The following SBK2 variants were observed in gnomAD, a reference collection of about 807,000 sequenced individuals.
SBK2 encodes SH3 domain binding kinase family member 2, also known as serine/threonine-protein kinase SBK2.
A neutral mutation model predicts 15.9 loss-of-function variants in SBK2; 18 were observed. The observed-to-expected ratio is 1.13, with a 90% confidence interval of 0.78 to 1.68. SBK2 has a LOEUF of 1.68. Among genes scored for constraint, SBK2 ranks in the 40% most tolerant of loss-of-function variants. The probability of loss-of-function intolerance (pLI) is 0.00; values close to 1 mark genes in which losing one functional copy is unlikely to be tolerated. For synonymous variants in SBK2, 284 were observed against 246.8 expected (o/e 1.15, Z -1.41); for missense variants, 581 against 510.9 (o/e 1.14, Z -1.32).
At chr19:55,530,567 GTTTAGTGTGGCTTAGT>G (rs1599941295) in intron 3 of SBK2, among the ~76,000 whole-genome samples, 3 of 23,624 alleles carry the variant, frequency 1.3e-4, no homozygotes, top group East Asian at 1.3e-3. Flanking sequence ...AGGCCTGTGG[GTTTAGTGTGGCTTAGT>G]GTGACCCGTG....
chr19:55,534,715 A>AAG (rs992176409), intron 2 of SBK2, among the ~76,000 whole-genome samples: 4 of 147,790 alleles, frequency 2.7e-5, no homozygotes, highest in Non-Finnish European at 6.0e-5. Flanking sequence ...AAAAAAAAAA[A>AAG]AAAAAGAAAA....
chr19:55,531,625 G>A (rs1185043081), intron 2 of SBK2, among the ~76,000 whole-genome samples: 1 of 152,182 alleles, frequency 6.6e-6, no homozygotes, highest in Non-Finnish European at 1.5e-5. Flanking sequence ...GGGAGGATCC[G>A]TTGAGGCCAG....
chr19:55,532,862 G>T (rs946959363), intron 2 of SBK2, among the ~76,000 whole-genome samples: 1 of 151,774 alleles, frequency 6.6e-6, no homozygotes, highest in African/African-American at 2.4e-5. Flanking sequence ...TCGCTATGTT[G>T]CCCAGGCTGG....
At chr19:55,537,030 T>C (rs12979821) in intron 1 of SBK2, 24 bp downstream of exon 1, 79,593 of 152,946 alleles carry the variant, frequency 0.52, 24,523 homozygotes, top group South Asian at 0.74. Context: ...CCTCCCAACC[T>C]GGGCTCAGAC....
Position 55,530,174 on chromosome 19 carries a change from G to C in SBK2, c.606C>G (p.Thr202=), listed in dbSNP as rs1988216287. 6.5e-7 allele frequency: 1 copy of C among 1,528,326 alleles called. No homozygotes were observed. The highest frequency in any genetic ancestry group is 8.8e-7 in the Non-Finnish European group (1 of 1,138,426). The allele number at this position is 1,528,326 out of a possible 1,614,324, so 94.7% of individuals were successfully genotyped here. The change falls in exon 4 of 4, where the codon ACC becomes ACG. Residue 202 remains threonine (T), a synonymous_variant. Transcript: ENST00000413299. ...CDPACRRFKL[T]DFGHTRPRGT... is the part of the protein sequence containing the mutation. The stretch of plus-strand genomic sequence containing the variant: ...CGCGAGGCCTCGTGTGGCCGAAGTC[G>C]GTCAGCTTGAAGCGCCGGCAGGCCG...
chr19:55,531,308 G>T lies in SBK2; in HGVS notation c.291C>A (p.Arg97=). 1 of 1,612,218 alleles carries T rather than the reference G, an allele frequency of 6.2e-7. No homozygotes were observed. Among genetic ancestry groups the T allele is most frequent in the African/African-American group, 1.3e-5 (1 of 75,024 alleles). The change falls in exon 3 of 4, where the codon CGC becomes CGA. Residue 97 remains arginine, a synonymous_variant. Transcript: ENST00000413299. ...PLALKQLPKP[R]TSLRGFLYEF... ...CGTACAGGAAGCCACGGAGGGACGT[G>T]CGGGGTTTCGGGAGCTGCTTCAGTG...
intron 2 of SBK2, among the ~76,000 whole-genome samples, chr19:55,535,095 A>G (rs899389653): frequency 6.6e-6 from 1 of 152,062 alleles, no homozygotes; most frequent in African/African-American, 2.4e-5. Context: ...TGGCAGCCCC[A>G]GCAGATGAAT....
rs1332411120 is a variant in SBK2 at position 55,530,214 on chromosome 19, A to G, written c.566T>C (p.Val189Ala). ...LVYRDLKPEN[V>A]LVCDPACRRF... ...CCGGCAGGCCGGGTCGCACACCAGG[A>G]CGTTCTCCGGCTTCAGGTCCCGGTA... is the stretch of plus-strand genomic sequence containing the variant. The change falls in exon 4 of 4, where the codon GTC becomes GCC. Residue 189 changes from valine to alanine, a missense_variant. By Grantham distance (64) the Val-to-Ala change is moderately conservative (BLOSUM62 0). Transcript: ENST00000413299. 3 of 1,535,814 alleles carry G rather than the reference A, an allele frequency of 2.0e-6. No homozygotes were observed. Among genetic ancestry groups the G allele is most frequent in the Non-Finnish European group, 2.6e-6 (3 of 1,141,126 alleles).
rs768175730 is a variant in SBK2, at chr19:55,529,805, C to T, written c.975G>A (p.Leu325=). Residue 325 remains leucine, a synonymous_variant, in exon 4 of 4, where the codon CTG becomes CTA. Coordinates refer to ENST00000413299, the MANE Select transcript of SBK2 (RefSeq NM_001370096.2). ...CCTCCCGCTGCCTCCAGGGGCGCCC[C>T]AGGTGCTCCCTGATGGCGATCACAG... is the stretch of plus-strand genomic sequence containing the variant. ...RSAVIAIREH[L]GRPWRQREGE... is the part of the protein sequence containing the mutation. 10 of 1,604,472 alleles carry T rather than the reference C, an allele frequency of 6.2e-6. No individual in the cohort carries two copies. The highest frequency in any genetic ancestry group is 2.2e-5 in the South Asian group (2 of 91,078).
rs1033124923 is a variant in SBK2 at position 55,529,666 on chromosome 19, C to G, written c.*67G>C. The G allele has an allele frequency of 2.6e-6, 4 of 1,548,930 alleles. No individual in the cohort carries two copies. The highest frequency in any genetic ancestry group is 1.9e-5 in the Admixed American group (1 of 51,872). On this transcript the variant is annotated 3_prime_UTR_variant, in exon 4 of 4. Transcript: ENST00000413299. ...TGGATGAAAACACACCGAGGAGACACCAAAAGCCGTTGGCCTTGGGGGCCT... is the reference window on the plus strand; with the variant it reads ...TGGATGAAAACACACCGAGGAGACAGCAAAAGCCGTTGGCCTTGGGGGCCT...
chr19:55,536,418 G>T, intron 1 of SBK2, 122 bp from the exon 2 acceptor site: 1 of 799,638 alleles, frequency 1.3e-6, no homozygotes, highest in Non-Finnish European at 1.8e-6. Context: ...TTCTCATTGT[G>T]ACTCAGTCTC....
chr19:55,530,264 C>T lies in SBK2; in HGVS notation c.516G>A (p.Glu172=). ...ACACCAGGCCGCGGGCGTGGATGTACTCCAGGGCGGAGGCCAGCTGGGCGG... is the reference window on the plus strand; with the variant it reads ...ACACCAGGCCGCGGGCGTGGATGTATTCCAGGGCGGAGGCCAGCTGGGCGG... ...RCAAQLASAL[E]YIHARGLVYR... is the part of the protein sequence containing the mutation. The change falls in exon 4 of 4, where the codon GAG becomes GAA. Residue 172 remains glutamate, a synonymous_variant. Coordinates refer to ENST00000413299, the MANE Select transcript of SBK2 (RefSeq NM_001370096.2). The T allele has an allele frequency of 1.3e-6, 2 of 1,491,598 alleles. No individual in the cohort carries two copies. The highest frequency in any genetic ancestry group is 1.8e-6 in the Non-Finnish European group (2 of 1,121,208). 92.4% of individuals were successfully genotyped at this position (1,491,598 alleles called of 1,614,324 possible).
chr19:55,532,676 C>T (rs1050039389), intron 2 of SBK2, among the ~76,000 whole-genome samples: 1 of 149,736 alleles, frequency 6.7e-6, no homozygotes, highest in African/African-American at 2.5e-5. Context: ...TCATGGCTCA[C>T]TGCAACCTCC....
intron 2 of SBK2, among the ~76,000 whole-genome samples, chr19:55,533,230 C>T (rs1430897553): frequency 2.0e-5 from 3 of 151,980 alleles, no homozygotes; most frequent in Non-Finnish European, 4.4e-5. Flanking sequence ...ACTCGGAAGG[C>T]TGAGGCAGGA....
rs1427158629 is a variant in SBK2 at position 55,530,317 on chromosome 19, G to T, written c.463C>A (p.Leu155Ile). Reference sequence around the variant, plus strand: ...CAGCGGTGCACCGCGGGCTGCGGGAGGCCCACCTGCGGGGAGAGGGGTCAG... The same window carrying T: ...CAGCGGTGCACCGCGGGCTGCGGGATGCCCACCTGCGGGGAGAGGGGTCAG... ...LMAFIQPKVG[L>I]PQPAVHRCAA... is the part of the protein sequence containing the mutation. The change falls in exon 4 of 4, where the codon CTC becomes ATC. Residue 155 changes from leucine to isoleucine, a missense_variant. By Grantham distance (5) the Leu-to-Ile change is conservative. Transcript: ENST00000413299. 7.1e-7 allele frequency: 1 copy of T among 1,408,110 alleles called. No individual in the cohort carries two copies. The highest frequency in any genetic ancestry group is 2.8e-5 in the East Asian group (1 of 35,990). The allele number at this position is 1,408,110 out of a possible 1,614,324, so 87.2% of individuals were successfully genotyped here. A position where few individuals can be genotyped will look rare whatever the true frequency, so the allele number is the denominator to read the frequency against.
At chr19:55,534,711 A>AAG (rs1268884513) in intron 2 of SBK2, among the ~76,000 whole-genome samples, 59 of 146,624 alleles carry the variant, frequency 4.0e-4, no homozygotes, top group Non-Finnish European at 6.7e-4. Context: ...TCTCAAAAAA[A>AAG]AAAAAAAAAG....
chr19:55,529,607 A>C lies in SBK2; in HGVS notation c.*126T>G, dbSNP rs1452649758. 3 of 1,300,384 alleles carry C rather than the reference A, an allele frequency of 2.3e-6. No homozygotes were observed. In the African/African-American group the frequency reaches 4.6e-5, roughly 20 times the overall value. 80.6% of individuals were successfully genotyped at this position (1,300,384 alleles called of 1,614,324 possible). ...GGAATGCAGCCTGCAGAGAGGAGAG[A>C]GGAGGAGGACGCCGAGGGGAATCCC... On this transcript the variant is annotated 3_prime_UTR_variant, in exon 4 of 4. Transcript: ENST00000413299.
Position 55,529,796 on chromosome 19 carries a change from GGGGCGCCCCA to G in SBK2, c.974_983del (p.Leu325ProfsTer77). ...CCGCCTCGCCCTCCCGCTGCCTCCA[GGGGCGCCCCA>G]GGTGCTCCCTGATGGCGATCACAGC... On this transcript the variant is annotated frameshift_variant, in exon 4 of 4. Transcript: ENST00000413299. LOFTEE classifies it low-confidence loss of function (END_TRUNC). 5 of 1,604,308 alleles carry G rather than the reference GGGGCGCCCCA, an allele frequency of 3.1e-6. No individual in the cohort carries two copies. The highest frequency in any genetic ancestry group is 4.2e-6 in the Non-Finnish European group (5 of 1,179,686).
chr19:55,530,087 G>T lies in SBK2; in HGVS notation c.693C>A (p.Pro231=). 6.9e-7 allele frequency: 1 copy of T among 1,440,894 alleles called. No individual in the cohort carries two copies. The highest frequency in any genetic ancestry group is 1.4e-5 in the South Asian group (1 of 69,390). The allele number at this position is 1,440,894 out of a possible 1,614,324, so 89.3% of individuals were successfully genotyped here. ...TGGGCAGGCCCTCGGGGAGCGGCGG[G>T]GGCGCGCAGAGCTCGGGGGCCGTGT... ...IPYTAPELCA[P]PPLPEGLPIQ... Residue 231 remains proline, a synonymous_variant, in exon 4 of 4, where the codon CCC becomes CCA. Transcript: ENST00000413299.
Sources: allele counts gnomAD v4.1 joint callset (sites outside exome capture counted in the v4.1 genomes callset), GRCh38; gene constraint gnomAD v4.1.1; transcripts MANE v1.5; gene names NCBI Gene and HGNC (gene_info 2026-07-23, HGNC 2026-07-21).